NEK7: variants seen among roughly 807,000 people sequenced by gnomAD.
NEK7 encodes NIMA related kinase 7, also known as serine/threonine-protein kinase Nek7.
Under a neutral mutation model 44.6 loss-of-function variants are expected in NEK7, and 18 were observed. That is an observed-to-expected ratio of 0.40 (90% CI 0.28 to 0.60). The LOEUF (loss-of-function observed/expected upper bound fraction) is 0.60. NEK7 is among the 20% of genes least tolerant of loss of function. The pLI is 0.38. For synonymous variants in NEK7, 130 were observed against 121.1 expected, an observed-to-expected ratio of 1.07 and a Z score of -0.48; for missense variants, 256 against 366.5, an observed-to-expected ratio of 0.70 and a Z score of 2.46.
intron 1 of NEK7, among the ~76,000 whole-genome samples, chr1:198,177,390 TAA>T (rs1226671926): frequency 7.9e-5 from 12 of 152,114 alleles, no homozygotes; most frequent in African/African-American, 2.9e-4. Flanking sequence ...GGATTGTGGC[TAA>T]AAAAGGGCAT....
At chr1:198,261,793 CAGT>C (rs1480416550) in intron 3 of NEK7, among the ~76,000 whole-genome samples, 1 of 151,714 alleles carries the variant, frequency 6.6e-6, no homozygotes, top group African/African-American at 2.4e-5. Flanking sequence ...ATGTTTTTAA[CAGT>C]AGGTTAATAT....
chr1:198,295,641 C>T (rs1269034663), intron 8 of NEK7, among the ~76,000 whole-genome samples: 2 of 150,012 alleles, frequency 1.3e-5, no homozygotes, highest in African/African-American at 4.9e-5. Context: ...TTTTTTAACA[C>T]TCTGCAGTAC....
chr1:198,229,060 G>A (rs1666311336), intron 1 of NEK7, among the ~76,000 whole-genome samples: 1 of 152,172 alleles, frequency 6.6e-6, no homozygotes, highest in Non-Finnish European at 1.5e-5. Flanking sequence ...TGCACAAAGA[G>A]GCCAAGAAGA....
chr1:198,264,779 G>A (rs139454183), intron 5 of NEK7, among the ~76,000 whole-genome samples: 1,571 of 151,878 alleles, frequency 0.01, 10 homozygotes, highest in Non-Finnish European at 0.018. Context: ...TTTAAGTTCA[G>A]CTGCAATTAA....
rs1001817957 is a variant in NEK7, at chr1:198,246,150, C to T, written c.58-6890C>T. On this transcript the variant is annotated intron_variant, in intron 2 of 9. Transcript: ENST00000367385. ...GAAAACAATATACTATAATCGCTAC[C>T]GAAGTATATAGATATATTACCTGCC... is the stretch of plus-strand genomic sequence containing the variant. Among the ~76,000 whole-genome samples, 6 of 152,096 alleles carry T rather than the reference C, an allele frequency of 3.9e-5. No homozygotes were observed. The South Asian group carries it at 8.3e-4, about 21-fold the overall frequency.
At chr1:198,164,097 A>G (rs1664191634) in intron 1 of NEK7, among the ~76,000 whole-genome samples, 2 of 152,174 alleles carry the variant, frequency 1.3e-5, no homozygotes, top group South Asian at 4.1e-4. Context: ...AACAACAACA[A>G]CAACAACAAA....
intron 1 of NEK7, among the ~76,000 whole-genome samples, chr1:198,194,004 A>G (rs1665153195): frequency 6.6e-6 from 1 of 152,188 alleles, no homozygotes; most frequent in Non-Finnish European, 1.5e-5. Flanking sequence ...AGGGTATTCA[A>G]ATAGGAAGAG....
intron 2 of NEK7, among the ~76,000 whole-genome samples, chr1:198,240,586 C>G (rs2102891767): frequency 6.6e-6 from 1 of 150,890 alleles, no homozygotes; most frequent in East Asian, 1.9e-4. Flanking sequence ...TTGGAAATAT[C>G]TTAAAATTCT....
chr1:198,204,916 G>A (rs1001038731), intron 1 of NEK7, among the ~76,000 whole-genome samples: 1 of 152,118 alleles, frequency 6.6e-6, no homozygotes, highest in African/African-American at 2.4e-5. Flanking sequence ...TGGGAGGGAT[G>A]TTTGTGCTCC....
chr1:198,209,148 A>ATG (rs33969463), intron 1 of NEK7, among the ~76,000 whole-genome samples: 48,138 of 126,072 alleles, frequency 0.38, 9,368 homozygotes, highest in East Asian at 0.81. Flanking sequence ...ATGTGTATAT[A>ATG]TATACTTTTT....
At chr1:198,272,080 A>G in intron 5 of NEK7, among the ~76,000 whole-genome samples, 1 of 151,432 alleles carries the variant, frequency 6.6e-6, no homozygotes, top group East Asian at 1.9e-4. Context: ...AATGTTACAG[A>G]TAAAATATCA....
At position 198,320,082 on chromosome 1, in the gene NEK7, T is replaced by A. The variant is rs1571629455; in HGVS notation, c.*560T>A. 1 of 152,188 alleles carries A rather than the reference T, an allele frequency of 6.6e-6. No individual in the cohort carries two copies. The highest frequency in any genetic ancestry group is 1.9e-4 in the East Asian group (1 of 5,192). The allele number at this position is 152,188 out of a possible 1,614,324, so 9.4% of individuals were successfully genotyped here. On this transcript the variant is annotated 3_prime_UTR_variant, in exon 10 of 10. Transcript: ENST00000367385. ...ACTATTTGAGAAACATTTAGAACTC[T>A]TAGCTTATACATTCAAAATGTAACT...
At chr1:198,211,485 G>A (rs973748201) in intron 1 of NEK7, among the ~76,000 whole-genome samples, 1 of 152,134 alleles carries the variant, frequency 6.6e-6, no homozygotes, top group African/African-American at 2.4e-5. Flanking sequence ...TTTGTGATGT[G>A]TGTGTACACA....
intron 1 of NEK7, among the ~76,000 whole-genome samples, chr1:198,189,215 G>A (rs186896247): frequency 6.6e-6 from 1 of 152,154 alleles, no homozygotes; most frequent in East Asian, 1.9e-4. Context: ...AAAAGAAAGT[G>A]GAAAAGAATG....
At chr1:198,295,098 A>C (rs1285342494) in intron 8 of NEK7, among the ~76,000 whole-genome samples, 2 of 152,118 alleles carry the variant, frequency 1.3e-5, no homozygotes, top group East Asian at 3.8e-4. Context: ...AAAAAAAAAA[A>C]AAAACTAGCA....
At chr1:198,310,540 C>T (rs60816669) in intron 9 of NEK7, among the ~76,000 whole-genome samples, 11,641 of 137,222 alleles carry the variant, frequency 0.085, 1,181 homozygotes, top group East Asian at 0.26. Flanking sequence ...TGAATGGTAA[C>T]GCCTAGGTTT....
chr1:198,210,440 A>G (rs140132312), intron 1 of NEK7, among the ~76,000 whole-genome samples: 132 of 152,234 alleles, frequency 8.7e-4, no homozygotes, highest in Non-Finnish European at 1.6e-3. Context: ...ATTTGCTGTA[A>G]TTTATTTGGC....
At chr1:198,167,489 G>A (rs564791399) in intron 1 of NEK7, among the ~76,000 whole-genome samples, 1 of 152,230 alleles carries the variant, frequency 6.6e-6, no homozygotes, top group Non-Finnish European at 1.5e-5. Context: ...GCCACTTCAA[G>A]CAAGGTGAAA....
At chr1:198,167,098 G>A (rs1664290051) in intron 1 of NEK7, among the ~76,000 whole-genome samples, 1 of 152,164 alleles carries the variant, frequency 6.6e-6, no homozygotes, top group Non-Finnish European at 1.5e-5. Context: ...AAGGGAGAAT[G>A]TGGCTCATGC....
Sources: allele counts gnomAD v4.1 joint callset (sites outside exome capture counted in the v4.1 genomes callset), GRCh38; gene constraint gnomAD v4.1.1; transcripts MANE v1.5; gene names NCBI Gene and HGNC (gene_info 2026-07-23, HGNC 2026-07-21).